KCP: variants seen among roughly 807,000 people sequenced by gnomAD.
The protein encoded by KCP is kielin cysteine rich BMP regulator.
Under a neutral mutation model 212.7 loss-of-function variants are expected in KCP, and 194 were observed. That is an observed-to-expected ratio of 0.91 (90% CI 0.81 to 1.03). KCP has a LOEUF of 1.03. Among genes scored for constraint, KCP ranks in the 50% least tolerant of loss-of-function variants. The probability of loss-of-function intolerance (pLI) is 0.00; values close to 1 mark genes in which losing one functional copy is unlikely to be tolerated. For missense variants in KCP, 2,080 were observed against 2,162.5 expected, an observed-to-expected ratio of 0.96 and a Z score of 0.76; for synonymous variants, 833 against 865.3, an observed-to-expected ratio of 0.96 and a Z score of 0.65.
At chr7:128,877,819 C>G (rs1793087753) in intron 38 of KCP, 29 bp from the exon 39 acceptor site, 1 of 1,523,400 alleles carries the variant, frequency 6.6e-7, no homozygotes, top group African/African-American at 1.4e-5. Flanking sequence ...CCTGACGTGA[C>G]AGCACCACTG....
In KCP at chr7:128,892,886, T is replaced by A; in HGVS notation, c.1403A>T (p.His468Leu). The A allele has an allele frequency of 1.3e-6, 2 of 1,549,230 alleles. No homozygotes were observed. Residue 468 changes from histidine to leucine, a missense_variant, in exon 14 of 40, where the codon CAC (histidine) becomes CTC (leucine). Transcript: ENST00000610776. ...GCACTCACCAGGGGGCTGGGTGGGG[T>A]GCTGGCAGGGGGCTGGGGGGCAGAG... is the stretch of plus-strand genomic sequence containing the variant. ...AVLCPPAPCQHPTQPPGACCP... is the reference protein window; with the variant it reads ...AVLCPPAPCQLPTQPPGACCP...
intron 29 of KCP, among the ~76,000 whole-genome samples, chr7:128,882,313 C>T (rs112592635): frequency 4.6e-5 from 7 of 152,278 alleles, no homozygotes; most frequent in East Asian, 3.9e-4. Context: ...GGCCAGTCTG[C>T]GGCCTGCTCT....
At chr7:128,899,872 A>ATGTAAGGAATC in intron 8 of KCP, among the ~76,000 whole-genome samples, 21 of 151,964 alleles carry the variant, frequency 1.4e-4, no homozygotes, top group African/African-American at 4.4e-4. Context: ...TTAAGGAATC[A>ATGTAAGGAATC]AATTTGACTT....
At chr7:128,881,442 C>T (rs1793327634) in intron 31 of KCP, among the ~76,000 whole-genome samples, 184 bp downstream of exon 31, 1 of 152,240 alleles carries the variant, frequency 6.6e-6, no homozygotes. Context: ...TTCCCCCTGC[C>T]TCATGGGTCT....
chr7:128,902,872 G>C lies in KCP; in HGVS notation c.749-13C>G, dbSNP rs913163405. ...CCTTCTGTGCAGCCTAGGGTTGAGG[G>C]GTTGAGAAGAGGGAGGCCTGGTGGG... On this transcript the variant is annotated splice_polypyrimidine_tract_variant and intron_variant, in intron 7 of 39. Transcript: ENST00000610776. 4.9e-5 allele frequency: 76 copies of C among 1,549,506 alleles called. No individual in the cohort carries two copies. Among genetic ancestry groups the C allele is most frequent in the Non-Finnish European group, 6.4e-5 (73 of 1,145,546 alleles).
rs1208141683 is a variant in KCP at position 128,892,843 on chromosome 7, AAGCCAGGATC to A, written c.1420+16_1420+25del. ...GTGAGCTGGGTAATGCAGGGGAAGA[AAGCCAGGATC>A]AGCCCAGGCACTCACCAGGGGGCTG... is the stretch of plus-strand genomic sequence containing the variant. On this transcript the variant is annotated intron_variant, in intron 14 of 39. Transcript: ENST00000610776. 1.7e-5 allele frequency: 26 copies of A among 1,551,100 alleles called. No homozygotes were observed. In the Admixed American group the frequency reaches 4.5e-4, roughly 27 times the overall value.
At chr7:128,894,351 T>C in intron 8 of KCP, 58 bp from the exon 9 acceptor site, 1 of 1,323,836 alleles carries the variant, frequency 7.6e-7, no homozygotes, top group Admixed American at 2.5e-5. Context: ...GAGGTGGAAA[T>C]GGCATTAGAA....
In KCP at chr7:128,890,934, C is replaced by T. The variant is rs929763536; in HGVS notation, c.2135G>A (p.Arg712His). The change falls in exon 20 of 40, where the codon CGC becomes CAC. Residue 712 changes from arginine (R) to histidine (H), a missense_variant. Arg to His is a conservative substitution (Grantham distance 29). Coordinates refer to ENST00000610776, the MANE Select transcript of KCP (RefSeq NM_001366122.1). ...PCPPAPCAHP[R>H]QGPCCPSCDG... The stretch of plus-strand genomic sequence containing the variant: ...GCAGGAGGGGCAGCAAGGCCCCTGG[C>T]GCGGGTGCGCGCAGGGCGCGGGCGG... 1 of 1,245,634 alleles carries T rather than the reference C, an allele frequency of 8.0e-7. No homozygotes were observed. Among genetic ancestry groups the T allele is most frequent in the Admixed American group, 4.3e-5 (1 of 23,350 alleles). 77.2% of individuals were successfully genotyped at this position (1,245,634 alleles called of 1,614,324 possible).
chr7:128,894,814 G>C (rs1206936877), intron 8 of KCP, among the ~76,000 whole-genome samples: 3 of 152,148 alleles, frequency 2.0e-5, no homozygotes, highest in Non-Finnish European at 4.4e-5. Flanking sequence ...CACCATGTTG[G>C]CCAGGCTGGT....
rs1310780610 is a variant in KCP, at chr7:128,888,902, G to A, written c.2473C>T (p.Pro825Ser). 1.3e-6 allele frequency: 2 copies of A among 1,550,542 alleles called. No individual in the cohort carries two copies. Among genetic ancestry groups the A allele is most frequent in the South Asian group, 2.4e-5 (2 of 84,006 alleles). The change falls in exon 22 of 40, where the codon CCA (proline) becomes TCA (serine). Residue 825 changes from proline (P) to serine (S), a missense_variant. Transcript: ENST00000610776. ...RPCEPPGCSH[P>S]LIPSGHCCPT... is the part of the protein sequence containing the mutation. Reference sequence around the variant, plus strand: ...CAGCAGTGCCCAGAGGGGATGAGTGGGTGGCTGCAGCCCGGAGGCTCACAG... The same window carrying A: ...CAGCAGTGCCCAGAGGGGATGAGTGAGTGGCTGCAGCCCGGAGGCTCACAG...
At position 128,878,559 on chromosome 7, in the gene KCP, T is replaced by C; in HGVS notation, c.4310A>G (p.Gln1437Arg). The change falls in exon 38 of 40, where the codon CAG becomes CGG. Residue 1437 changes from glutamine (Q) to arginine (R), a missense_variant and splice_region_variant. Physicochemically the swap from Gln to Arg is conservative, Grantham distance 43. Transcript: ENST00000610776. ...PSEAAFGNSW[Q>R]VSEGLWPGRP... ...ATCCCCGGTTCCTGTACCACTCACC[T>C]GCCAGCTATTCCCAAACGCAGCCTC... 6.4e-7 allele frequency: 1 copy of C among 1,551,082 alleles called. No individual in the cohort carries two copies. Among genetic ancestry groups the C allele is most frequent in the Middle Eastern group, 1.7e-4 (1 of 5,990 alleles).
intron 8 of KCP, among the ~76,000 whole-genome samples, chr7:128,897,406 G>T (rs563782126): frequency 6.6e-6 from 1 of 152,172 alleles, no homozygotes; most frequent in Non-Finnish European, 1.5e-5. Flanking sequence ...TTGGGTTCAG[G>T]GTTCAGCTCA....
chr7:128,893,594 G>C (rs562229814), intron 11 of KCP, 118 bp from the exon 12 acceptor site: 1 of 988,844 alleles, frequency 1.0e-6, no homozygotes, highest in Non-Finnish European at 1.5e-6. Flanking sequence ...GTTCTCCAGG[G>C]CGCCCTGCCA....
At chr7:128,906,175 G>A in intron 5 of KCP, 104 bp downstream of exon 5, 3 of 945,062 alleles carry the variant, frequency 3.2e-6, no homozygotes, top group Non-Finnish European at 5.0e-6. Context: ...GAGTGAGTGG[G>A]TAGGCACCCC....
chr7:128,907,330 T>C lies in KCP; in HGVS notation c.343A>G (p.Thr115Ala). The C allele has an allele frequency of 6.5e-7, 1 of 1,543,164 alleles. No homozygotes were observed. The change falls in exon 3 of 40, where the codon ACA becomes GCA. Residue 115 changes from threonine to alanine, a missense_variant. Physicochemically the swap from Thr to Ala is moderately conservative, Grantham distance 58 (BLOSUM62 0). Transcript: ENST00000610776. ...GCCCCATCCTGGCAGACGCAGGCTGTGCAGGCGTCAGGCTCCCAGCGTGCC... is the reference window on the plus strand; with the variant it reads ...GCCCCATCCTGGCAGACGCAGGCTGCGCAGGCGTCAGGCTCCCAGCGTGCC... ...EGARWEPDAC[T>A]ACVCQDGAAH... is the part of the protein sequence containing the mutation.
rs1013551474 is a variant in KCP, at chr7:128,891,475, G to A, written c.1854C>T (p.Asp618=). 3.2e-6 allele frequency: 5 copies of A among 1,550,460 alleles called. No homozygotes were observed. The highest frequency in any genetic ancestry group is 4.4e-6 in the Non-Finnish European group (5 of 1,146,774). ...PSGADFPHPS[D]PCRLCRCLSG... ...CCAGACAGCGACACAGACGGCAGGG[G>A]TCAGAGGGGTGGGGGAAGTCCGCTC... Residue 618 remains aspartate, a synonymous_variant, in exon 18 of 40, where the codon GAC becomes GAT. Transcript: ENST00000610776.
rs944662859 is a variant in KCP at position 128,886,917 on chromosome 7, G to A, written c.2648C>T (p.Pro883Leu). The A allele has an allele frequency of 5.2e-6, 8 of 1,533,282 alleles. No individual in the cohort carries two copies. The highest frequency in any genetic ancestry group is 7.0e-6 in the Non-Finnish European group (8 of 1,137,844). 95.0% of individuals were successfully genotyped at this position (1,533,282 alleles called of 1,614,324 possible). The part of the protein sequence containing the change: ...QKKPCPPALC[P>L]HPSPGPCFCP... Reference sequence around the variant, plus strand: ...GAAGCAGGGGCCTGGAGAGGGGTGGGGGCAGAGAGCTGGGGGACATGGCTT... The same window carrying A: ...GAAGCAGGGGCCTGGAGAGGGGTGGAGGCAGAGAGCTGGGGGACATGGCTT... The change falls in exon 24 of 40, where the codon CCC becomes CTC. Residue 883 changes from proline to leucine, a missense_variant. Pro to Leu is a moderately conservative substitution (Grantham distance 98). Transcript: ENST00000610776.
At chr7:128,902,448 CA>C (rs1794902167) in intron 8 of KCP, among the ~76,000 whole-genome samples, 1 of 152,336 alleles carries the variant, frequency 6.6e-6, no homozygotes, top group African/African-American at 2.4e-5. Context: ...AATTGGACAG[CA>C]CAGTTTTAGA....
intron 8 of KCP, among the ~76,000 whole-genome samples, chr7:128,896,593 A>G (rs887248504): frequency 2.0e-5 from 3 of 152,076 alleles, no homozygotes; most frequent in Non-Finnish European, 4.4e-5. Context: ...AGGACTGCCA[A>G]AAAAGATCCC....
Sources: allele counts gnomAD v4.1 joint callset (sites outside exome capture counted in the v4.1 genomes callset), GRCh38; gene constraint gnomAD v4.1.1; transcripts MANE v1.5; gene names NCBI Gene and HGNC (gene_info 2026-07-23, HGNC 2026-07-21).